WDR59: variants seen among roughly 807,000 people sequenced by gnomAD.
The protein encoded by WDR59 is WD repeat domain 59.
WDR59 carries 100 observed loss-of-function variants against 131.2 expected under a neutral mutation model. The observed-to-expected ratio is 0.76, with a 90% CI of 0.65 to 0.90. The LOEUF is 0.90. Among genes scored for constraint, WDR59 ranks in the 40% least tolerant of loss-of-function variants. WDR59 has a pLI of 0.00. For synonymous variants in WDR59, 601 were observed against 466.2 expected, an observed-to-expected ratio of 1.29 and a Z score of -3.72; for missense variants, 1,203 against 1,262.2, an observed-to-expected ratio of 0.95 and a Z score of 0.71.
At chr16:74,891,753 T>C (rs1400605058) in intron 20 of WDR59, among the ~76,000 whole-genome samples, 1 of 152,190 alleles carries the variant, frequency 6.6e-6, no homozygotes, top group Admixed American at 6.5e-5. Context: ...TGAAACCCCA[T>C]CTCTACTAAA....
intron 18 of WDR59, among the ~76,000 whole-genome samples, chr16:74,894,483 C>T (rs1472543750): frequency 6.6e-6 from 1 of 152,042 alleles, no homozygotes; most frequent in Admixed American, 6.6e-5. Flanking sequence ...TGTGAGGAGC[C>T]TGTATGTGTG....
chr16:74,976,708 T>C (rs1286312644), intron 1 of WDR59, among the ~76,000 whole-genome samples: 1 of 152,204 alleles, frequency 6.6e-6, no homozygotes, highest in African/African-American at 2.4e-5. Context: ...CCCAAAGTGC[T>C]GGGATTACAG....
intron 8 of WDR59, among the ~76,000 whole-genome samples, chr16:74,933,029 T>TA (rs1366477724): frequency 2.0e-5 from 3 of 152,134 alleles, no homozygotes; most frequent in African/African-American, 7.2e-5. Flanking sequence ...GATTTTCTTG[T>TA]AAAAAATGCC....
rs576794277 is a variant in WDR59, at chr16:74,918,090, A to G, written c.887-82T>C. Reference sequence around the variant, plus strand: ...TAGAGGTTGAAATGGAGTGAGATTCATCCATCCATTCAACAAACATCTACT... The same window carrying G: ...TAGAGGTTGAAATGGAGTGAGATTCGTCCATCCATTCAACAAACATCTACT... On this transcript the variant is annotated intron_variant, in intron 10 of 25. Transcript: ENST00000262144. The G allele has an allele frequency of 1.5e-4, 209 of 1,360,348 alleles. 2 individuals carry two copies. In the South Asian group the frequency reaches 1.8e-3, roughly 12 times the overall value. 84.3% of individuals were successfully genotyped at this position (1,360,348 alleles called of 1,614,324 possible).
At chr16:74,925,509 AC>A (rs1289816274) in intron 8 of WDR59, among the ~76,000 whole-genome samples, 2 of 144,264 alleles carry the variant, frequency 1.4e-5, no homozygotes, top group Non-Finnish European at 3.0e-5. Flanking sequence ...GCAACACTGC[AC>A]TCCAGCCTGG....
rs781330069 is a variant in WDR59, at chr16:74,892,471, G to A, written c.2082+13C>T. The stretch of plus-strand genomic sequence containing the variant: ...GAAAAATCCAAATCTCCACCAAAAG[G>A]GATGGACAATACCTGGACAAGATCC... On this transcript the variant is annotated intron_variant, in intron 20 of 25. Coordinates refer to ENST00000262144, the MANE Select transcript of WDR59 (RefSeq NM_030581.4). 1.2e-6 allele frequency: 2 copies of A among 1,609,578 alleles called. No homozygotes were observed. The highest frequency in any genetic ancestry group is 1.7e-4 in the Middle Eastern group (1 of 6,056).
chr16:74,969,285 T>C (rs937672536), intron 1 of WDR59, among the ~76,000 whole-genome samples: 4 of 152,180 alleles, frequency 2.6e-5, no homozygotes, highest in Non-Finnish European at 5.9e-5. Flanking sequence ...ATTTGTTTTG[T>C]CTTTTGAGAC....
At chr16:74,883,783 C>A (rs1033972584) in intron 25 of WDR59, among the ~76,000 whole-genome samples, 3 of 152,194 alleles carry the variant, frequency 2.0e-5, no homozygotes, top group Non-Finnish European at 4.4e-5. Flanking sequence ...CCTTCCCAGC[C>A]CCAGCTCCAG....
At chr16:74,970,982 G>A (rs2033959742) in intron 1 of WDR59, among the ~76,000 whole-genome samples, 1 of 151,812 alleles carries the variant, frequency 6.6e-6, no homozygotes, top group Non-Finnish European at 1.5e-5. Context: ...CCGAGAGGTT[G>A]TGGCTACAAT....
At chr16:74,930,633 C>G (rs992848474) in intron 8 of WDR59, 3 of 151,866 alleles carry the variant, frequency 2.0e-5, no homozygotes, top group African/African-American at 7.3e-5. Context: ...TGGCTCACTC[C>G]TGTAACCCCA....
intron 13 of WDR59, among the ~76,000 whole-genome samples, chr16:74,913,477 G>C (rs1458258194): frequency 6.6e-6 from 1 of 152,090 alleles, no homozygotes; most frequent in Admixed American, 6.6e-5. Context: ...TTTTGGTAGA[G>C]ATGGGGTTTC....
chr16:74,882,807 C>CAAAAAAAAAAAAAAAAAAAAAAAAAAA (rs569507124), intron 25 of WDR59, among the ~76,000 whole-genome samples: 19 of 51,418 alleles, frequency 3.7e-4, no homozygotes, highest in East Asian at 7.5e-4. Flanking sequence ...AACACTGTCT[C>CAAAAAAAAAAAAAAAAAAAAAAAAAAA]AAAAAAAAAA....
chr16:74,907,334 G>T (rs1965866010), intron 17 of WDR59, among the ~76,000 whole-genome samples: 1 of 152,198 alleles, frequency 6.6e-6, no homozygotes, highest in African/African-American at 2.4e-5. Flanking sequence ...TCAAGGGAGG[G>T]ACACAGTGGG....
intron 1 of WDR59, among the ~76,000 whole-genome samples, chr16:74,970,345 T>C (rs764026700): frequency 5.3e-5 from 8 of 151,832 alleles, no homozygotes; most frequent in Non-Finnish European, 1.0e-4. Context: ...CATTTGTCAT[T>C]TCACTTAATT....
chr16:74,906,317 A>AAAAAAAAAAAAAAAAAAAC (rs1269848287), intron 17 of WDR59, among the ~76,000 whole-genome samples: 1 of 144,244 alleles, frequency 6.9e-6, no homozygotes, highest in South Asian at 2.4e-4. Context: ...CCGTCTCAAA[A>AAAAAAAAAAAAAAAAAAAC]AAAAAAAAAC....
chr16:74,966,005 C>CT (rs1365137862), intron 1 of WDR59, among the ~76,000 whole-genome samples, 183 bp from the exon 2 acceptor site: 1 of 152,094 alleles, frequency 6.6e-6, no homozygotes, highest in Non-Finnish European at 1.5e-5. Context: ...TCCACATTCA[C>CT]TTTTTTTATT....
Position 74,948,531 on chromosome 16 carries a change from G to C in WDR59, c.433C>G (p.Leu145Val), listed in dbSNP as rs1396044252. 6.2e-7 allele frequency: 1 copy of C among 1,613,916 alleles called. No homozygotes were observed. The highest frequency in any genetic ancestry group is 8.5e-7 in the Non-Finnish European group (1 of 1,179,826). Residue 145 changes from leucine to valine, a missense_variant, in exon 6 of 26, where the codon CTG becomes GTG. By Grantham distance (32) the Leu-to-Val change is conservative. Transcript: ENST00000262144. ...IKDTRKPTVA[L>V]SAVAGASQVK... ...AGCATACACTCACCAACAGCAGACA[G>C]TGCAACAGTAGGTTTCCTTGTGTCT... is the stretch of plus-strand genomic sequence containing the variant.
chr16:74,899,101 C>T (rs1055843868), intron 18 of WDR59, among the ~76,000 whole-genome samples: 1 of 151,912 alleles, frequency 6.6e-6, no homozygotes, highest in African/African-American at 2.4e-5. Flanking sequence ...GGGGAAATGG[C>T]CAATAGGAGT....
At position 74,984,984 on chromosome 16, in the gene WDR59, C is replaced by A. The variant is rs556394958; in HGVS notation, c.34G>T (p.Val12Leu). 4 of 1,601,932 alleles carry A rather than the reference C, an allele frequency of 2.5e-6. No homozygotes were observed. The Admixed American group carries it at 6.9e-5, about 27-fold the overall frequency. The change falls in exon 1 of 26, where the codon GTA (valine) becomes TTA (leucine). Residue 12 changes from valine to leucine, a missense_variant. Val to Leu is a conservative substitution (Grantham distance 32, BLOSUM62 1). Transcript: ENST00000262144. ...AARWSSENVV[V>L]EFRDSQATAM... ...CTCACCTGGGAGTCACGGAACTCTACAACCACGTTTTCGCTGCTCCATCGC... is the reference window on the plus strand; with the variant it reads ...CTCACCTGGGAGTCACGGAACTCTAAAACCACGTTTTCGCTGCTCCATCGC...
Sources: gnomAD v4.1 joint callset for allele counts (sites outside exome capture counted in the v4.1 genomes callset) on GRCh38, gnomAD v4.1.1 for gene constraint, MANE v1.5 for transcripts, NCBI Gene and HGNC (gene_info 2026-07-23, HGNC 2026-07-21) for gene names.